Variants in WDR25 observed in about 807,000 individuals in gnomAD.
WDR25 encodes the protein WD repeat-containing protein 25.
Under a neutral mutation model 47.7 loss-of-function variants are expected in WDR25, and 35 were observed. That is an observed-to-expected ratio of 0.73 (90% CI 0.56 to 0.97). The LOEUF is 0.97. WDR25 is among the 50% of genes least tolerant of loss of function. The pLI, the probability that WDR25 is intolerant of heterozygous loss-of-function variation, is 0.00. For synonymous variants in WDR25, 248 were observed against 278.9 expected (o/e 0.89, Z 1.10); for missense variants, 634 against 704.7 (o/e 0.90, Z 1.14).
intron 2 of WDR25, among the ~76,000 whole-genome samples, chr14:100,412,607 T>C (rs1897744184): frequency 6.6e-6 from 1 of 152,240 alleles, no homozygotes; most frequent in Non-Finnish European, 1.5e-5. Context: ...TACATGTATA[T>C]GTGTTTAGGT....
intron 2 of WDR25, among the ~76,000 whole-genome samples, chr14:100,458,623 C>T (rs1262106747): frequency 6.6e-6 from 1 of 151,928 alleles, no homozygotes; most frequent in Non-Finnish European, 1.5e-5. Flanking sequence ...TTTTCAATTG[C>T]CCATGGAATG....
At chr14:100,467,370 G>A (rs1257914488) in intron 2 of WDR25, among the ~76,000 whole-genome samples, 3 of 151,948 alleles carry the variant, frequency 2.0e-5, no homozygotes, top group Non-Finnish European at 4.4e-5. Context: ...GGGATAAGAT[G>A]CCAGGGACGC....
In WDR25 at chr14:100,390,748, C is replaced by T. The variant is rs111531450; in HGVS notation, c.822+9002C>T. 8.0e-3 allele frequency among the ~76,000 whole-genome samples: 1,214 copies of T among 152,196 alleles called. 10 individuals are homozygous for T. The highest frequency in any genetic ancestry group is 0.024 in the African/African-American group (994 of 41,506). On this transcript the variant is annotated intron_variant, in intron 2 of 6. Coordinates refer to ENST00000402312, the MANE Select transcript of WDR25 (RefSeq NM_001161476.3). Reference sequence around the variant, plus strand: ...TTCCCACCAGTGTGCAGATCTGTGCCGCTCTTTTTGGGGGCTGTGTAGCGC... The same window carrying T: ...TTCCCACCAGTGTGCAGATCTGTGCTGCTCTTTTTGGGGGCTGTGTAGCGC...
intron 2 of WDR25, among the ~76,000 whole-genome samples, chr14:100,400,084 T>A (rs1184337706): frequency 6.6e-6 from 1 of 152,228 alleles, no homozygotes; most frequent in Non-Finnish European, 1.5e-5. Context: ...CAATGAATGT[T>A]CAGTGAGGAC....
At chr14:100,432,370 C>T (rs2140233432) in intron 2 of WDR25, among the ~76,000 whole-genome samples, 1 of 152,330 alleles carries the variant, frequency 6.6e-6, no homozygotes, top group Non-Finnish European at 1.5e-5. Context: ...AGCTTACTGT[C>T]ACGATGCCTG....
intron 4 of WDR25, among the ~76,000 whole-genome samples, chr14:100,492,244 C>G (rs562415634): frequency 4.8e-4 from 73 of 152,318 alleles, no homozygotes; most frequent in African/African-American, 1.7e-3. Context: ...CCTGTGTGTT[C>G]CCTGGGTTGT....
chr14:100,497,366 C>T (rs1900766948), intron 4 of WDR25, among the ~76,000 whole-genome samples: 1 of 152,134 alleles, frequency 6.6e-6, no homozygotes, highest in African/African-American at 2.4e-5. Context: ...GTATTTTTCT[C>T]TTCAGTTCTG....
intron 4 of WDR25, among the ~76,000 whole-genome samples, chr14:100,501,608 A>G (rs1900926275): frequency 6.6e-6 from 1 of 152,218 alleles, no homozygotes. Flanking sequence ...TTATTGCTGA[A>G]TAAGTGTGGA....
chr14:100,395,471 C>A (rs766331044), intron 2 of WDR25, among the ~76,000 whole-genome samples: 1 of 152,154 alleles, frequency 6.6e-6, no homozygotes, highest in Non-Finnish European at 1.5e-5. Context: ...GATGACAAAA[C>A]TGAGGACCAG....
At chr14:100,420,312 A>T (rs916154687) in intron 2 of WDR25, among the ~76,000 whole-genome samples, 2 of 149,094 alleles carry the variant, frequency 1.3e-5, no homozygotes, top group Admixed American at 6.7e-5. Flanking sequence ...TTGTAAGCAC[A>T]TTTTTTTTTT....
intron 4 of WDR25, among the ~76,000 whole-genome samples, chr14:100,510,399 C>T (rs1481051265): frequency 6.6e-6 from 1 of 151,776 alleles, no homozygotes; most frequent in Non-Finnish European, 1.5e-5. Flanking sequence ...TCCTGAGTAG[C>T]TGGCACTATA....
chr14:100,433,162 CA>C (rs1235439372), intron 2 of WDR25, among the ~76,000 whole-genome samples: 1 of 152,230 alleles, frequency 6.6e-6, no homozygotes, highest in Non-Finnish European at 1.5e-5. Context: ...TCCTTTATAG[CA>C]AAAGAGAATT....
intron 3 of WDR25, among the ~76,000 whole-genome samples, chr14:100,472,227 G>A (rs1393913906): frequency 6.6e-6 from 1 of 152,214 alleles, no homozygotes; most frequent in Non-Finnish European, 1.5e-5. Flanking sequence ...GCTGGGCAGG[G>A]AACCCTGTCC....
chr14:100,399,668 A>G (rs1897333897), intron 2 of WDR25, among the ~76,000 whole-genome samples: 2 of 152,186 alleles, frequency 1.3e-5, no homozygotes, highest in African/African-American at 2.4e-5. Context: ...AACGATGATG[A>G]CGCAGATAAT....
intron 2 of WDR25, among the ~76,000 whole-genome samples, chr14:100,464,307 T>G (rs1899528527): frequency 6.6e-6 from 1 of 152,208 alleles, no homozygotes. Context: ...AGGTCCTCCC[T>G]GGCCACCATT....
intron 2 of WDR25, among the ~76,000 whole-genome samples, chr14:100,444,234 G>A (rs912582031): frequency 2.0e-5 from 3 of 152,166 alleles, no homozygotes; most frequent in African/African-American, 7.2e-5. Flanking sequence ...GGAAATTGGC[G>A]GTCAGAGGGA....
At chr14:100,475,186 A>G (rs74382704) in intron 3 of WDR25, among the ~76,000 whole-genome samples, 4,751 of 152,338 alleles carry the variant, frequency 0.031, 264 homozygotes, top group African/African-American at 0.11. Context: ...TGTACAATGT[A>G]AATGAGTACA....
At position 100,404,915 on chromosome 14, in the gene WDR25, G is replaced by A. The variant is rs2140177949; in HGVS notation, c.822+23169G>A. On this transcript the variant is annotated intron_variant, in intron 2 of 6. Coordinates refer to ENST00000402312, the MANE Select transcript of WDR25 (RefSeq NM_001161476.3). The surrounding 1 kb of genome is among the most constrained non-coding windows in gnomAD (Gnocchi z 4.6). The stretch of plus-strand genomic sequence containing the variant: ...CATTGTCTGAACTTGGCACTGGTGT[G>A]TTTGGGCCCTTCCTCTTAACCCTCC... 6.6e-6 allele frequency among the ~76,000 whole-genome samples: 1 copy of A among 152,262 alleles called. No homozygotes were observed. Among genetic ancestry groups the A allele is most frequent in the East Asian group, 1.9e-4 (1 of 5,182 alleles).
intron 3 of WDR25, among the ~76,000 whole-genome samples, chr14:100,471,372 A>C (rs1213973742): frequency 2.0e-5 from 3 of 151,930 alleles, no homozygotes; most frequent in African/African-American, 7.3e-5. Flanking sequence ...GGGGGCCTCC[A>C]CCTATGTCTC....
Sources: gnomAD v4.1 joint callset for allele counts (sites outside exome capture counted in the v4.1 genomes callset) on GRCh38, gnomAD v4.1.1 for gene constraint, Gnocchi (gnomAD v3.1) non-coding constraint, MANE v1.5 for transcripts, NCBI Gene and HGNC (gene_info 2026-07-23, HGNC 2026-07-21) for gene names.